Variants in SIK3 observed in about 807,000 individuals in gnomAD.
The protein encoded by SIK3 is serine/threonine-protein kinase SIK3.
In SIK3, 28 loss-of-function variants were observed where a neutral mutation model predicts 144.2. The observed-to-expected ratio is 0.19, with a 90% CI of 0.14 to 0.27. The LOEUF is 0.27. SIK3 is among the 10% of genes least tolerant of loss of function. SIK3 has a pLI of 1.00. For missense variants in SIK3, 1,319 were observed against 1,776.0 expected (o/e 0.74, Z 4.62); for synonymous variants, 686 against 676.3 (o/e 1.01, Z -0.22).
intron 1 of SIK3, chr11:117,036,095 T>G: frequency 1.4e-6 from 1 of 709,240 alleles, no homozygotes; most frequent in Non-Finnish European, 2.2e-6. Flanking sequence ...GGTTAATTTT[T>G]TTTTTTTATA....
rs1941694465 is a variant in SIK3 at position 116,843,556 on chromosome 11, A to G, written c.*2087T>C. ...TACTGCACATATTGGTTACTACAAT[A>G]CAAAGCAATGAGTTTTTTTTAAAGT... On this transcript the variant is annotated 3_prime_UTR_variant, in exon 25 of 25. Transcript: ENST00000445177. 6.6e-6 allele frequency: 1 copy of G among 152,230 alleles called. No individual in the cohort carries two copies. The allele number at this position is 152,230 out of a possible 1,614,324, so 9.4% of individuals were successfully genotyped here.
intron 4 of SIK3, among the ~76,000 whole-genome samples, chr11:116,921,442 G>A (rs141123732): frequency 6.6e-6 from 1 of 152,198 alleles, no homozygotes; most frequent in South Asian, 2.1e-4. Context: ...TATGCAAGGA[G>A]GCTTCGTTAA....
At chr11:117,012,801 A>G (rs1025831074) in intron 1 of SIK3, among the ~76,000 whole-genome samples, 1 of 147,190 alleles carries the variant, frequency 6.8e-6, no homozygotes, top group African/African-American at 2.5e-5. Context: ...ATTTTCACTG[A>G]CTCATAATAT....
Position 116,849,080 on chromosome 11 carries a change from GGGAGGATCCACCTCTGTGCAGCA to G in SIK3, c.3819+17_3819+39del. 1.3e-6 allele frequency: 2 copies of G among 1,544,736 alleles called. No homozygotes were observed. Among genetic ancestry groups the G allele is most frequent in the Non-Finnish European group, 1.8e-6 (2 of 1,140,836 alleles). On this transcript the variant is annotated intron_variant, in intron 22 of 24. Coordinates refer to ENST00000445177, the MANE Select transcript of SIK3 (RefSeq NM_001366686.3). The surrounding 1 kb of genome is among the most constrained non-coding windows in gnomAD (Gnocchi z 4.2). ...TATACTCTGTTTCAAGGCTGGGACTGGGAGGATCCACCTCTGTGCAGCAGGTGGGACCAACATACATAAGCATC... is the reference window on the plus strand; with the variant it reads ...TATACTCTGTTTCAAGGCTGGGACTGGGTGGGACCAACATACATAAGCATC...
At chr11:116,979,084 C>T (rs370796871) in intron 1 of SIK3, among the ~76,000 whole-genome samples, 22 of 152,270 alleles carry the variant, frequency 1.4e-4, no homozygotes, top group African/African-American at 4.3e-4. Context: ...TAGGTAAAGC[C>T]AAATTGTTTT....
At chr11:116,863,920 C>CTGGG in intron 15 of SIK3, 102 bp from the exon 16 acceptor site, 1 of 1,234,686 alleles carries the variant, frequency 8.1e-7, no homozygotes, top group Non-Finnish European at 1.1e-6. Flanking sequence ...GGCTGGCTGC[C>CTGGG]CAGGTAGCCC....
Position 117,098,295 on chromosome 11 carries a change from C to G in SIK3, c.121G>C (p.Val41Leu). 2.5e-6 allele frequency: 3 copies of G among 1,206,464 alleles called. No individual in the cohort carries two copies. The highest frequency in any genetic ancestry group is 3.1e-6 in the Non-Finnish European group (3 of 969,910). 74.7% of individuals were successfully genotyped at this position (1,206,464 alleles called of 1,614,324 possible). ...APGSPAAPAA[V>L]SPAAGQPRPP... is the part of the protein sequence containing the mutation. ...CGCGGCTGGCCGGCCGCAGGGGACA[C>G]GGCAGCGGGGGCGGCTGGGGACCCC... Residue 41 changes from valine to leucine, a missense_variant, in exon 1 of 25, where the codon GTG becomes CTG. By Grantham distance (32) the Val-to-Leu change is conservative (BLOSUM62 1). Coordinates refer to ENST00000445177, the MANE Select transcript of SIK3 (RefSeq NM_001366686.3).
chr11:116,853,091 TCTC>T (rs1420155685), intron 21 of SIK3, among the ~76,000 whole-genome samples: 2 of 152,116 alleles, frequency 1.3e-5, no homozygotes, highest in Non-Finnish European at 1.5e-5. Context: ...TCTTTCAGCT[TCTC>T]CTCAAGGTTC....
chr11:116,851,623 C>G (rs1406919524), intron 21 of SIK3, among the ~76,000 whole-genome samples: 8 of 152,188 alleles, frequency 5.3e-5, no homozygotes, highest in Admixed American at 5.2e-4. Flanking sequence ...TTTGAAAGTT[C>G]TCTGAGCAAA....
intron 1 of SIK3, among the ~76,000 whole-genome samples, chr11:117,010,168 C>T (rs1292685067): frequency 6.6e-6 from 1 of 151,970 alleles, no homozygotes; most frequent in Non-Finnish European, 1.5e-5. Flanking sequence ...CACAATGGGC[C>T]CTCCTTCATG....
At chr11:116,954,155 T>A in intron 2 of SIK3, 48 bp from the exon 3 acceptor site, 4 of 1,508,390 alleles carry the variant, frequency 2.7e-6, no homozygotes, top group Non-Finnish European at 3.7e-6. Context: ...AATGACAGGC[T>A]GATACAGGAA....
At chr11:116,910,331 C>A in intron 4 of SIK3, among the ~76,000 whole-genome samples, 1 of 151,952 alleles carries the variant, frequency 6.6e-6, no homozygotes, top group Middle Eastern at 3.5e-3. Flanking sequence ...AAAAAAAAAC[C>A]TAGATAATAT....
Position 116,873,918 on chromosome 11 carries a change from C to A in SIK3, c.1566G>T (p.Gly522=). 6.2e-7 allele frequency: 1 copy of A among 1,612,684 alleles called. No homozygotes were observed. The highest frequency in any genetic ancestry group is 8.5e-7 in the Non-Finnish European group (1 of 1,179,472). Residue 522 remains glycine, a synonymous_variant, in exon 12 of 25, where the codon GGG becomes GGT. Transcript: ENST00000445177. The stretch of plus-strand genomic sequence containing the variant: ...GTCTAGGTACCTTGTACTCAAGTTG[C>A]CCGGTTGGTTGCAAGTTTTGCATAG... ...LLPMQNLQPT[G]QLEYKEQSLL...
Position 116,844,642 on chromosome 11 carries a change from A to ATATATATAATATATATATATATATAT in SIK3, c.*1000_*1001insATATATATATATATATATTATATATA, listed in dbSNP as rs1565345727. 1.3e-5 allele frequency: 1 copy of ATATATATAATATATATATATATATAT among 79,496 alleles called. No homozygotes were observed. The highest frequency in any genetic ancestry group is 2.0e-5 in the Non-Finnish European group (1 of 50,154). The allele number at this position is 79,496 out of a possible 1,614,324, so 4.9% of individuals were successfully genotyped here. On this transcript the variant is annotated 3_prime_UTR_variant, in exon 25 of 25. Coordinates refer to ENST00000445177, the MANE Select transcript of SIK3 (RefSeq NM_001366686.3). ...TAATATATATATAATATATTATATT[A>ATATATATAATATATATATATATATAT]TATATTATATATATAATATATATAT...
At chr11:116,912,928 A>G (rs1946421552) in intron 4 of SIK3, among the ~76,000 whole-genome samples, 1 of 152,210 alleles carries the variant, frequency 6.6e-6, no homozygotes, top group African/African-American at 2.4e-5. Context: ...CAGTATATAA[A>G]TAGGATTTAG....
In SIK3 at chr11:117,021,556, T is replaced by A. The variant is rs966942384; in HGVS notation, c.274-64492A>T. ...TTTAGTTAGCATACAGATCTCTGTT[T>A]ATTATTCTAGAAAGCTGTTCTCAAT... On this transcript the variant is annotated intron_variant, in intron 1 of 24. Coordinates refer to ENST00000445177, the MANE Select transcript of SIK3 (RefSeq NM_001366686.3). 3.3e-5 allele frequency among the ~76,000 whole-genome samples: 5 copies of A among 152,230 alleles called. 1 individual carries two copies. Among genetic ancestry groups the A allele is most frequent in the African/African-American group, 9.6e-5 (4 of 41,460 alleles).
At chr11:116,870,137 T>G in intron 14 of SIK3, 194 bp downstream of exon 14, 4 of 1,529,204 alleles carry the variant, frequency 2.6e-6, no homozygotes, top group Non-Finnish European at 3.5e-6. Context: ...CCAATGGTGC[T>G]TACAGAAATG....
At chr11:116,936,868 C>T (rs1012869548) in intron 3 of SIK3, among the ~76,000 whole-genome samples, 10 of 152,186 alleles carry the variant, frequency 6.6e-5, no homozygotes, top group Admixed American at 4.6e-4. Context: ...GTACACTTTG[C>T]TCAGGGTTTT....
intron 3 of SIK3, among the ~76,000 whole-genome samples, chr11:116,948,970 C>T (rs1948801789): frequency 6.6e-6 from 1 of 152,004 alleles, no homozygotes; most frequent in Admixed American, 6.5e-5. Flanking sequence ...GGGAAATTCA[C>T]AAATATGTGA....
Sources: gnomAD v4.1 joint callset for allele counts (sites outside exome capture counted in the v4.1 genomes callset) on GRCh38, gnomAD v4.1.1 for gene constraint, Gnocchi (gnomAD v3.1) non-coding constraint, MANE v1.5 for transcripts, NCBI Gene and HGNC (gene_info 2026-07-23, HGNC 2026-07-21) for gene names.